MTPAP: variants seen among roughly 807,000 people sequenced by gnomAD.
The protein encoded by MTPAP is mitochondrial poly(A) polymerase.
In MTPAP, 23 loss-of-function variants were observed where a neutral mutation model predicts 48.7. The ratio of observed to expected loss-of-function variants is 0.47; its 90% CI spans 0.34 to 0.67. The LOEUF (loss-of-function observed/expected upper bound fraction) is 0.67, where lower values mean the gene tolerates loss of function less well. Among genes scored for constraint, MTPAP ranks in the 30% least tolerant of loss-of-function variants. The pLI is 0.01. For missense variants in MTPAP, 614 were observed against 694.3 expected (o/e 0.88, Z 1.30); for synonymous variants, 257 against 254.1 (o/e 1.01, Z -0.11).
chr10:30,313,771 G>C lies in MTPAP; in HGVS notation c.1587C>G (p.Ser529=). Residue 529 remains serine (S), a synonymous_variant, in exon 9 of 9, where the codon TCC becomes TCG. Coordinates refer to ENST00000263063, the MANE Select transcript of MTPAP (RefSeq NM_018109.4). ...TGTTTGGAGCAGATGGTAGCAATAG[G>C]GATACCAGCCCCCAGGGCCGATTAC... ...ISSNRPWGLV[S]LLLPSAPNRK... 6.2e-7 allele frequency: 1 copy of C among 1,613,992 alleles called. No homozygotes were observed.
At chr10:30,327,770 T>C (rs1000325282) in intron 4 of MTPAP, among the ~76,000 whole-genome samples, 2 of 147,956 alleles carry the variant, frequency 1.4e-5, no homozygotes, top group Non-Finnish European at 3.0e-5. Context: ...CACTTGAACC[T>C]GGAAGGTGGA....
chr10:30,347,031 T>C (rs532280196), intron 1 of MTPAP, among the ~76,000 whole-genome samples: 72 of 152,346 alleles, frequency 4.7e-4, no homozygotes, highest in African/African-American at 1.7e-3. Context: ...ATATGTCTCT[T>C]TCTGGAGTTT....
At chr10:30,349,070 C>T (rs1588724988) in intron 1 of MTPAP, 49 bp downstream of exon 1, 1 of 1,613,296 alleles carries the variant, frequency 6.2e-7, no homozygotes, top group Non-Finnish European at 8.5e-7. Flanking sequence ...TGATCCCAGA[C>T]TCCTCGCCCG....
intron 6 of MTPAP, among the ~76,000 whole-genome samples, chr10:30,320,989 C>CTCTT (rs1340129079): frequency 1.3e-5 from 2 of 152,070 alleles, no homozygotes; most frequent in Admixed American, 1.3e-4. Context: ...GAAGATCTGC[C>CTCTT]CATATCTTAT....
intron 4 of MTPAP, among the ~76,000 whole-genome samples, chr10:30,335,348 T>C (rs755821696): frequency 4.6e-5 from 7 of 151,908 alleles, no homozygotes; most frequent in Non-Finnish European, 8.8e-5. Flanking sequence ...TAGCCGGGCA[T>C]GGTGGCCCCT....
chr10:30,315,193 T>C (rs761708264), intron 8 of MTPAP, among the ~76,000 whole-genome samples: 6 of 137,984 alleles, frequency 4.3e-5, no homozygotes, highest in Non-Finnish European at 7.8e-5. Flanking sequence ...GAATCCTTTC[T>C]CTCTCCTCTC....
chr10:30,321,626 G>C (rs1439261979), intron 6 of MTPAP, among the ~76,000 whole-genome samples: 2 of 152,208 alleles, frequency 1.3e-5, no homozygotes, highest in Admixed American at 6.5e-5. Context: ...TGTCTAGAGA[G>C]CTAAAGATTT....
intron 6 of MTPAP, among the ~76,000 whole-genome samples, chr10:30,321,866 C>A (rs1840729845): frequency 6.6e-6 from 1 of 152,170 alleles, no homozygotes; most frequent in Non-Finnish European, 1.5e-5. Context: ...ACAAGAATCA[C>A]TTGAATCTGG....
chr10:30,328,086 A>G (rs1834620765), intron 4 of MTPAP, among the ~76,000 whole-genome samples: 1 of 152,218 alleles, frequency 6.6e-6, no homozygotes, highest in African/African-American at 2.4e-5. Context: ...AATAACACAC[A>G]TCATACAAAC....
In MTPAP at chr10:30,349,254, G is replaced by C. The variant is rs745315628; in HGVS notation, c.22C>G (p.Leu8Val). ...GCACACAGGTTCAAACGGGTCAAGA[G>C]CCCCACGCCGGGAACCGCCATTGCT... is the stretch of plus-strand genomic sequence containing the variant. The part of the protein sequence containing the change: MAVPGVG[L>V]LTRLNLCARR... The change falls in exon 1 of 9, where the codon CTC becomes GTC. Residue 8 changes from leucine (L) to valine (V), a missense_variant. This residue lies in a region of MTPAP where 125 missense variants were observed against 111.5 expected (regional missense o/e 1.12). Coordinates refer to ENST00000263063, the MANE Select transcript of MTPAP (RefSeq NM_018109.4). The C allele has an allele frequency of 9.3e-5, 132 of 1,421,756 alleles. No individual in the cohort carries two copies. In the Middle Eastern group the frequency reaches 2.2e-3, roughly 24 times the overall value. 88.1% of individuals were successfully genotyped at this position (1,421,756 alleles called of 1,614,324 possible).
chr10:30,322,643 T>C (rs764057732), intron 5 of MTPAP, 26 bp from the exon 6 acceptor site: 1 of 1,526,288 alleles, frequency 6.6e-7, no homozygotes, highest in Non-Finnish European at 9.0e-7. Context: ...ATAAGAAAAA[T>C]GTTCAAATCC....
At chr10:30,325,974 T>C (rs1161728458) in intron 5 of MTPAP, among the ~76,000 whole-genome samples, 1 of 152,118 alleles carries the variant, frequency 6.6e-6, no homozygotes, top group East Asian at 1.9e-4. Context: ...CAAAGTTGAC[T>C]ATATATCTGG....
At chr10:30,327,228 C>CT (rs1834608415) in intron 4 of MTPAP, among the ~76,000 whole-genome samples, 1 of 151,764 alleles carries the variant, frequency 6.6e-6, no homozygotes, top group Non-Finnish European at 1.5e-5. Context: ...TGGCTCACGT[C>CT]TGTAATCCTA....
chr10:30,346,561 T>C (rs1266316870), intron 1 of MTPAP, among the ~76,000 whole-genome samples: 1 of 152,192 alleles, frequency 6.6e-6, no homozygotes, highest in Non-Finnish European at 1.5e-5. Context: ...CACAATAACC[T>C]TTTAAGATAG....
chr10:30,319,934 C>T (rs199834855), intron 6 of MTPAP, among the ~76,000 whole-genome samples: 1 of 152,152 alleles, frequency 6.6e-6, no homozygotes, highest in East Asian at 1.9e-4. Context: ...TGTTTTGATG[C>T]TATACGATGT....
chr10:30,328,204 A>G (rs1218236547), intron 4 of MTPAP, among the ~76,000 whole-genome samples: 1 of 152,234 alleles, frequency 6.6e-6, no homozygotes, highest in Non-Finnish European at 1.5e-5. Flanking sequence ...ATGGCTAAAA[A>G]CCATGATAAA....
intron 1 of MTPAP, among the ~76,000 whole-genome samples, chr10:30,344,073 C>G (rs908306572): frequency 2.0e-5 from 3 of 151,792 alleles, no homozygotes; most frequent in Non-Finnish European, 4.4e-5. Flanking sequence ...AAGTCTTATT[C>G]TTTGGCTTAC....
intron 3 of MTPAP, among the ~76,000 whole-genome samples, chr10:30,338,106 A>G (rs780947202): frequency 2.0e-5 from 3 of 151,464 alleles, no homozygotes; most frequent in Admixed American, 6.6e-5. Context: ...AAAAAAAAAA[A>G]TACAAAAACT....
chr10:30,329,619 T>A (rs1486432298), intron 4 of MTPAP, among the ~76,000 whole-genome samples: 1 of 152,184 alleles, frequency 6.6e-6, no homozygotes, highest in Non-Finnish European at 1.5e-5. Flanking sequence ...GGTTCTATGA[T>A]GCCTCCTCTA....
Sources: allele counts gnomAD v4.1 joint callset (sites outside exome capture counted in the v4.1 genomes callset), GRCh38; gene constraint gnomAD v4.1.1; regional missense constraint gnomAD v4.1.1; transcripts MANE v1.5; gene names NCBI Gene and HGNC (gene_info 2026-07-23, HGNC 2026-07-21).